The following RLIG1 variants were observed in gnomAD, a reference collection of about 807,000 sequenced individuals.
RLIG1 encodes the protein RNA ligase 1.
chr12:88,035,724 A>T, the RLIG1 span: 50 of 1,601,258 alleles, frequency 3.1e-5, no homozygotes, highest in Non-Finnish European at 4.2e-5. Context: ...GCCTTCCTCC[A>T]AAAGGGAGCA....
the RLIG1 span, chr12:88,035,756 G>A: frequency 1.9e-6 from 3 of 1,576,252 alleles, no homozygotes; most frequent in African/African-American, 1.4e-5. Flanking sequence ...GGAGCGCCGG[G>A]CAGGCTTGGC....
At chr12:88,048,333 G>A in the RLIG1 span, 13 of 1,605,498 alleles carry the variant, frequency 8.1e-6, no homozygotes, top group African/African-American at 4.0e-5. Flanking sequence ...ATGTGACTCT[G>A]CCTTTGATAT....
the RLIG1 span, chr12:88,049,518 A>G: frequency 1.5e-6 from 1 of 670,706 alleles, no homozygotes; most frequent in Non-Finnish European, 2.6e-6. Flanking sequence ...GTATTCCTGA[A>G]TGGTCAAATA....
At chr12:88,039,259 A>C in the RLIG1 span, among the ~76,000 whole-genome samples, 1 of 152,288 alleles carries the variant, frequency 6.6e-6, no homozygotes, top group African/African-American at 2.4e-5. Context: ...CTGAGACAGG[A>C]GTACATTACC....
chr12:88,046,033 T>A, the RLIG1 span, among the ~76,000 whole-genome samples: 1 of 152,170 alleles, frequency 6.6e-6, no homozygotes, highest in African/African-American at 2.4e-5. Context: ...AAGTAATGAC[T>A]CAGTTGTAAC....
the RLIG1 span, among the ~76,000 whole-genome samples, chr12:88,036,460 C>T: frequency 6.6e-6 from 1 of 152,240 alleles, no homozygotes; most frequent in Non-Finnish European, 1.5e-5. Flanking sequence ...AAATCCACCT[C>T]ACTTGAGTTT....
chr12:88,043,655 G>A, the RLIG1 span: 1 of 1,613,104 alleles, frequency 6.2e-7, no homozygotes, highest in South Asian at 1.1e-5. Context: ...CTGGATACCA[G>A]CAAAGGAGAC....
the RLIG1 span, among the ~76,000 whole-genome samples, chr12:88,038,147 GACAT>G: frequency 2.0e-5 from 3 of 152,110 alleles, no homozygotes; most frequent in Admixed American, 2.0e-4. Flanking sequence ...ATGGTGCAAA[GACAT>G]AGAACTAAAA....
the RLIG1 span, chr12:88,035,594 G>T: frequency 6.5e-7 from 1 of 1,541,860 alleles, no homozygotes; most frequent in Non-Finnish European, 8.8e-7. Context: ...TCCGCGACTG[G>T]ACCGGGCGCC....
At chr12:88,049,139 T>TA in the RLIG1 span, 1 of 1,154,452 alleles carries the variant, frequency 8.7e-7, no homozygotes, top group South Asian at 1.5e-5. Context: ...ATTTAACTTA[T>TA]AAAGTTAATA....
the RLIG1 span, among the ~76,000 whole-genome samples, chr12:88,040,920 T>G: frequency 6.6e-6 from 1 of 152,126 alleles, no homozygotes; most frequent in African/African-American, 2.4e-5. Context: ...ATCAGGAAAT[T>G]TATTCTGAAA....
chr12:88,035,651 G>A, the RLIG1 span: 1 of 1,604,356 alleles, frequency 6.2e-7, no homozygotes, highest in Non-Finnish European at 8.5e-7. Flanking sequence ...GGCTCATCAT[G>A]AAGCGCTTGG....
the RLIG1 span, among the ~76,000 whole-genome samples, chr12:88,038,872 A>G: frequency 6.6e-6 from 1 of 152,190 alleles, no homozygotes; most frequent in East Asian, 1.9e-4. Flanking sequence ...AAAAGGATGA[A>G]GATCATTAGT....
At chr12:88,035,643 C>G in the RLIG1 span, 7 of 1,600,536 alleles carry the variant, frequency 4.4e-6, no homozygotes, top group Non-Finnish European at 4.3e-6. Flanking sequence ...GCTTGTTGGG[C>G]TCATCATGAA....
At chr12:88,047,107 C>T in the RLIG1 span, 3 of 900,634 alleles carry the variant, frequency 3.3e-6, no homozygotes, top group East Asian at 7.8e-5. Flanking sequence ...ATTTTCTCAT[C>T]CCATGTACCA....
chr12:88,041,431 G>T, the RLIG1 span, among the ~76,000 whole-genome samples: 1 of 152,194 alleles, frequency 6.6e-6, no homozygotes, highest in African/African-American at 2.4e-5. Context: ...ATCTGAGGCT[G>T]TGCTTCCACA....
At chr12:88,040,131 C>T in the RLIG1 span, 2 of 1,458,256 alleles carry the variant, frequency 1.4e-6, no homozygotes, top group Non-Finnish European at 1.9e-6. Context: ...CCGGTTTTCT[C>T]TCTCTCTTTT....
the RLIG1 span, chr12:88,035,747 G>A: frequency 1.8e-5 from 28 of 1,587,262 alleles, no homozygotes; most frequent in Non-Finnish European, 2.4e-5. Context: ...AGGTACGGAG[G>A]AGCGCCGGGC....
At chr12:88,043,911 GT>G in the RLIG1 span, 1 of 568,542 alleles carries the variant, frequency 1.8e-6, no homozygotes, top group East Asian at 3.1e-5. Context: ...GTCCTCTTAG[GT>G]TTAGAATCTT....
Sources: allele counts gnomAD v4.1 joint callset (sites outside exome capture counted in the v4.1 genomes callset), GRCh38; gene constraint gnomAD v4.1.1; transcripts MANE v1.5; gene names NCBI Gene and HGNC (gene_info 2026-07-23, HGNC 2026-07-21).